Variants in HPSE2 observed in about 807,000 individuals in gnomAD.
HPSE2 encodes the protein inactive heparanase-2.
In HPSE2, 38 loss-of-function variants were observed where a neutral mutation model predicts 60.5. The observed-to-expected ratio is 0.63, with a 90% CI of 0.48 to 0.82. HPSE2 has a LOEUF of 0.82. Ranked by LOEUF, HPSE2 falls within the 40% of genes least tolerant of loss-of-function variation. The pLI is 0.00. For missense variants in HPSE2, 713 were observed against 740.4 expected (o/e 0.96, Z 0.43); for synonymous variants, 295 against 293.2 (o/e 1.01, Z -0.06).
chr10:98,883,103 A>AT (rs1953071689), intron 3 of HPSE2, among the ~76,000 whole-genome samples: 1 of 152,146 alleles, frequency 6.6e-6, no homozygotes, highest in Non-Finnish European at 1.5e-5. Flanking sequence ...AAGGGCTATC[A>AT]TATGGAAGAG....
At chr10:98,924,555 C>T (rs908606459) in intron 3 of HPSE2, 1 of 152,186 alleles carries the variant, frequency 6.6e-6, no homozygotes, top group Admixed American at 6.5e-5. Flanking sequence ...AAAGTCCCTC[C>T]TATTCTTCCC....
At chr10:98,600,911 GTATA>G (rs71007402) in intron 9 of HPSE2, among the ~76,000 whole-genome samples, 936 of 73,704 alleles carry the variant, frequency 0.013, 24 homozygotes, top group African/African-American at 0.033. Context: ...ATGTGTGTGT[GTATA>G]TATATATATA....
At chr10:98,632,706 A>G (rs911888412) in intron 7 of HPSE2, among the ~76,000 whole-genome samples, 3 of 152,128 alleles carry the variant, frequency 2.0e-5, no homozygotes, top group African/African-American at 7.2e-5. Flanking sequence ...GGCATCTAAC[A>G]ATATCCTAAG....
intron 3 of HPSE2, among the ~76,000 whole-genome samples, chr10:99,087,552 T>C (rs1325193666): frequency 1.3e-5 from 2 of 152,190 alleles, no homozygotes; most frequent in African/African-American, 4.8e-5. Flanking sequence ...CTCTTAGATG[T>C]GCACACAATA....
chr10:98,676,917 C>T (rs1473624112), intron 6 of HPSE2, among the ~76,000 whole-genome samples: 3 of 134,156 alleles, frequency 2.2e-5, no homozygotes, highest in Non-Finnish European at 4.9e-5. Context: ...TCCATTTTCT[C>T]TCTTTTTTTT....
intron 6 of HPSE2, among the ~76,000 whole-genome samples, chr10:98,646,402 C>G (rs545098069): frequency 6.6e-6 from 1 of 151,502 alleles, no homozygotes; most frequent in African/African-American, 2.4e-5. Flanking sequence ...CATGGTCATC[C>G]TCCAAGCTCT....
chr10:98,726,668 A>AATAATAATAAT (rs1949092095), intron 4 of HPSE2, among the ~76,000 whole-genome samples: 3 of 129,432 alleles, frequency 2.3e-5, no homozygotes, highest in African/African-American at 8.2e-5. Flanking sequence ...ATAATAATAA[A>AATAATAATAAT]AGAAATATAA....
intron 9 of HPSE2, among the ~76,000 whole-genome samples, chr10:98,518,282 T>C (rs531353156): frequency 6.6e-6 from 1 of 152,320 alleles, no homozygotes; most frequent in South Asian, 2.1e-4. Flanking sequence ...TCTACATCAT[T>C]CTGCAAGCTA....
intron 2 of HPSE2, among the ~76,000 whole-genome samples, chr10:99,202,529 C>T (rs1848609548): frequency 6.6e-6 from 1 of 152,120 alleles, no homozygotes; most frequent in South Asian, 2.1e-4. Flanking sequence ...ACTTCAGTTT[C>T]CTCATCTTTA....
Position 98,620,708 on chromosome 10 carries a change from C to T in HPSE2, c.1099G>A (p.Val367Met). 14 of 1,605,726 alleles carry T rather than the reference C, an allele frequency of 8.7e-6. No individual in the cohort carries two copies. Among genetic ancestry groups the T allele is most frequent in the Non-Finnish European group, 1.1e-5 (13 of 1,172,610 alleles). ...LSDQIRKIQK[V>M]VNTYTPGKKI... Reference sequence around the variant, plus strand: ...TTTCCTGGAGTGTATGTATTAACCACCTGTTTACACAACAAAAGCAGAAGG... The same window carrying T: ...TTTCCTGGAGTGTATGTATTAACCATCTGTTTACACAACAAAAGCAGAAGG... Residue 367 changes from valine (V) to methionine (M), a missense_variant and splice_region_variant, in exon 8 of 12, where the codon GTG becomes ATG. By Grantham distance (21) the Val-to-Met change is conservative (BLOSUM62 1). Transcript: ENST00000370552.
At chr10:98,726,815 C>T (rs1197515502) in intron 4 of HPSE2, among the ~76,000 whole-genome samples, 3 of 151,826 alleles carry the variant, frequency 2.0e-5, no homozygotes, top group Admixed American at 6.6e-5. Flanking sequence ...TCCTAGCTAT[C>T]CACACATTTC....
intron 3 of HPSE2, among the ~76,000 whole-genome samples, chr10:98,950,837 A>G (rs1030842987): frequency 2.6e-5 from 4 of 152,290 alleles, no homozygotes; most frequent in Admixed American, 1.3e-4. Context: ...TCCAAAAACC[A>G]TATAATGCCA....
At chr10:98,922,660 A>C (rs1954316327) in intron 3 of HPSE2, among the ~76,000 whole-genome samples, 1 of 152,184 alleles carries the variant, frequency 6.6e-6, no homozygotes, top group South Asian at 2.1e-4. Flanking sequence ...TCTGATATCT[A>C]GTACTCAGAA....
At position 99,091,056 on chromosome 10, in the gene HPSE2, T is replaced by G. The variant is rs780592088; in HGVS notation, c.610+53182A>C. Among the ~76,000 whole-genome samples the G allele has an allele frequency of 3.9e-5, 6 of 152,178 alleles. No individual in the cohort carries two copies. The East Asian group carries it at 1.2e-3, about 29-fold the overall frequency. On this transcript the variant is annotated intron_variant, in intron 3 of 11. Transcript: ENST00000370552. ...TTTAGATTTTACCTTAACTACACAT[T>G]TAAAAAAACACCAAACAAAAGAGCC...
intron 3 of HPSE2, among the ~76,000 whole-genome samples, chr10:99,058,231 G>C (rs967057542): frequency 1.3e-5 from 2 of 152,204 alleles, no homozygotes; most frequent in African/African-American, 4.8e-5. Context: ...TTCCCCAGGT[G>C]ATCTGATTCT....
intron 3 of HPSE2, among the ~76,000 whole-genome samples, chr10:99,142,877 A>T (rs1845910742): frequency 1.3e-5 from 2 of 152,084 alleles, no homozygotes; most frequent in African/African-American, 4.8e-5. Flanking sequence ...CCCTCTTATA[A>T]GTGCCTAAAA....
At chr10:98,811,241 A>G (rs917273033) in intron 3 of HPSE2, among the ~76,000 whole-genome samples, 1 of 152,118 alleles carries the variant, frequency 6.6e-6, no homozygotes, top group Non-Finnish European at 1.5e-5. Flanking sequence ...GTCTCCCAGT[A>G]ATCTCATTCA....
rs745666049 is a variant in HPSE2, at chr10:99,126,096, G to A, written c.610+18142C>T. Among the ~76,000 whole-genome samples, 6 of 152,114 alleles carry A rather than the reference G, an allele frequency of 3.9e-5. No individual in the cohort carries two copies. Among genetic ancestry groups the A allele is most frequent in the African/African-American group, 1.4e-4 (6 of 41,398 alleles). ...TTGCTTTCTCAGCAGGGAAGCTTAC[G>A]ACCTGGTGCAAGGTCTGAGTGAGGC... On this transcript the variant is annotated intron_variant, in intron 3 of 11. Transcript: ENST00000370552. The surrounding 1 kb of genome is among the most constrained non-coding windows in gnomAD (Gnocchi z 4.0).
chr10:98,736,101 C>G (rs1949350208), intron 4 of HPSE2, among the ~76,000 whole-genome samples: 1 of 152,046 alleles, frequency 6.6e-6, no homozygotes, highest in Admixed American at 6.6e-5. Flanking sequence ...GTGGGAGGGA[C>G]CCAGTGGGAG....
Sources: allele counts gnomAD v4.1 joint callset (sites outside exome capture counted in the v4.1 genomes callset), GRCh38; gene constraint gnomAD v4.1.1; non-coding constraint Gnocchi (gnomAD v3.1); transcripts MANE v1.5; gene names NCBI Gene and HGNC (gene_info 2026-07-23, HGNC 2026-07-21).